The following PKIG variants were observed in gnomAD, a reference collection of about 807,000 sequenced individuals.
PKIG encodes the protein protein kinase (cAMP-dependent, catalytic) inhibitor gamma.
In PKIG, 1 loss-of-function variant was observed where a neutral mutation model predicts 6.8. The ratio of observed to expected loss-of-function variants is 0.15; its 90% CI spans 0.05 to 0.69. The LOEUF is 0.69. Among genes scored for constraint, PKIG ranks in the 30% least tolerant of loss-of-function variants. The pLI, the probability that PKIG is intolerant of heterozygous loss-of-function variation, is 0.82. For missense variants in PKIG, 77 were observed against 104.0 expected (o/e 0.74, Z 1.13); for synonymous variants, 39 against 43.0 (o/e 0.91, Z 0.36).
chr20:44,605,633 G>T (rs1262162801), intron 2 of PKIG, among the ~76,000 whole-genome samples: 1 of 151,862 alleles, frequency 6.6e-6, no homozygotes, highest in South Asian at 2.1e-4. Context: ...TACTAGAGAG[G>T]CCAGGCGTGG....
intron 1 of PKIG, among the ~76,000 whole-genome samples, chr20:44,558,428 GA>G (rs1364884796): frequency 7.9e-5 from 12 of 152,136 alleles, no homozygotes; most frequent in African/African-American, 2.7e-4. Flanking sequence ...TCCTGTGCTT[GA>G]CACTCTAAAA....
intron 2 of PKIG, among the ~76,000 whole-genome samples, chr20:44,594,733 C>T (rs2065061395): frequency 6.6e-6 from 1 of 152,094 alleles, no homozygotes; most frequent in Admixed American, 6.6e-5. Flanking sequence ...CTTTATTTCT[C>T]CAGGTCCTAG....
chr20:44,565,577 T>G (rs919370482), intron 1 of PKIG, among the ~76,000 whole-genome samples: 1 of 152,230 alleles, frequency 6.6e-6, no homozygotes, highest in Non-Finnish European at 1.5e-5. Context: ...CATCAGAAAC[T>G]GTCCCATAAC....
At chr20:44,570,459 A>T (rs1362524301) in intron 1 of PKIG, among the ~76,000 whole-genome samples, 3 of 152,218 alleles carry the variant, frequency 2.0e-5, no homozygotes, top group Non-Finnish European at 4.4e-5. Flanking sequence ...GAGGTAGTTT[A>T]GAGTGTGGAC....
At chr20:44,612,596 ACTT>A (rs2065229360) in intron 2 of PKIG, among the ~76,000 whole-genome samples, 1 of 152,234 alleles carries the variant, frequency 6.6e-6, no homozygotes, top group Admixed American at 6.5e-5. Flanking sequence ...TAGTAGCAGT[ACTT>A]CTTGTTGCCA....
chr20:44,571,675 A>C (rs1483321311), intron 1 of PKIG, among the ~76,000 whole-genome samples: 1 of 152,242 alleles, frequency 6.6e-6, no homozygotes, highest in Non-Finnish European at 1.5e-5. Flanking sequence ...CTTTTGCTAT[A>C]AAAACAAGGC....
At chr20:44,544,409 T>C (rs1022626432) in intron 1 of PKIG, among the ~76,000 whole-genome samples, 2 of 152,186 alleles carry the variant, frequency 1.3e-5, no homozygotes, top group African/African-American at 4.8e-5. Flanking sequence ...ACAGGTTATT[T>C]TTCTCTCAAA....
chr20:44,590,687 A>G (rs1160299282), intron 2 of PKIG, among the ~76,000 whole-genome samples: 2 of 152,164 alleles, frequency 1.3e-5, no homozygotes, highest in East Asian at 3.9e-4. Flanking sequence ...ATTGAAGGCT[A>G]TTCTAGATTG....
chr20:44,583,677 G>A (rs1312798324), intron 1 of PKIG, among the ~76,000 whole-genome samples: 1 of 152,256 alleles, frequency 6.6e-6, no homozygotes, highest in Admixed American at 6.5e-5. Context: ...CCTTGGGCAA[G>A]TGTTTCACAC....
rs1224044697 is a variant in PKIG, at chr20:44,607,940, G to A, written c.-23-6594G>A. Among the ~76,000 whole-genome samples the A allele has an allele frequency of 4.9e-5, 6 of 122,770 alleles. No homozygotes were observed. The South Asian group carries it at 1.5e-3, about 31-fold the overall frequency. The allele number at this position is 122,770 out of a possible 152,430, so 80.5% of individuals were successfully genotyped here. A position where few individuals can be genotyped will look rare whatever the true frequency, so the allele number is the denominator to read the frequency against. ...ACCTCGTGATCCACACCCACCCCCC[G>A]CCGCCTCGGCCTCCCAAAGTTCTGG... On this transcript the variant is annotated intron_variant, in intron 2 of 3. Coordinates refer to ENST00000372886, the MANE Select transcript of PKIG (RefSeq NM_001281445.2).
Position 44,614,390 on chromosome 20 carries a change from A to G in PKIG, c.-23-144A>G, listed in dbSNP as rs1478327023. 6 of 604,618 alleles carry G rather than the reference A, an allele frequency of 9.9e-6. No individual in the cohort carries two copies. The highest frequency in any genetic ancestry group is 1.8e-5 in the African/African-American group (1 of 54,166). 37.5% of individuals were successfully genotyped at this position (604,618 alleles called of 1,614,324 possible). A position where few individuals can be genotyped will look rare whatever the true frequency, so the allele number is the denominator to read the frequency against. On this transcript the variant is annotated intron_variant, in intron 2 of 3. Transcript: ENST00000372886. The surrounding 1 kb of genome is among the most constrained non-coding windows in gnomAD (Gnocchi z 4.6). ...ATGAGTGACTTGTTTTGTTCTTTGT[A>G]CTTTTCTGTGCTTTTTGCTTTGTTT... is the stretch of plus-strand genomic sequence containing the variant.
chr20:44,592,823 C>G (rs560261809), intron 2 of PKIG, among the ~76,000 whole-genome samples: 1 of 152,178 alleles, frequency 6.6e-6, no homozygotes, highest in Non-Finnish European at 1.5e-5. Flanking sequence ...CCATACCAAG[C>G]CATTTAAAGA....
In PKIG at chr20:44,617,200, T is replaced by C. The variant is rs143682933; in HGVS notation, c.152-1085T>C. The stretch of plus-strand genomic sequence containing the variant: ...TATAGGGTGGTGATTCTCCTGGTTC[T>C]GTGAAGGGCTTAGCCTGAAGGATAA... On this transcript the variant is annotated intron_variant, in intron 3 of 3. Coordinates refer to ENST00000372886, the MANE Select transcript of PKIG (RefSeq NM_001281445.2). Among the ~76,000 whole-genome samples, 150 of 152,290 alleles carry C rather than the reference T, an allele frequency of 9.8e-4. 1 individual carries two copies. The highest frequency in any genetic ancestry group is 3.5e-3 in the African/African-American group (144 of 41,576).
At chr20:44,606,133 A>G (rs758684325) in intron 2 of PKIG, among the ~76,000 whole-genome samples, 10 of 152,222 alleles carry the variant, frequency 6.6e-5, no homozygotes, top group Non-Finnish European at 1.3e-4. Flanking sequence ...ACAAAAGACT[A>G]ATTGCCTTAA....
At chr20:44,569,491 G>A (rs2064836799) in intron 1 of PKIG, among the ~76,000 whole-genome samples, 1 of 152,160 alleles carries the variant, frequency 6.6e-6, no homozygotes, top group African/African-American at 2.4e-5. Flanking sequence ...CCTTCTGAAA[G>A]CGGTTTGTTT....
At chr20:44,550,407 A>G (rs2064657335) in intron 1 of PKIG, among the ~76,000 whole-genome samples, 1 of 145,514 alleles carries the variant, frequency 6.9e-6, no homozygotes, top group South Asian at 2.2e-4. Flanking sequence ...TTATTAACTG[A>G]AAAAAAAAAT....
At chr20:44,546,078 T>G (rs1361529369) in intron 1 of PKIG, among the ~76,000 whole-genome samples, 2 of 152,104 alleles carry the variant, frequency 1.3e-5, no homozygotes, top group East Asian at 1.9e-4. Flanking sequence ...AGCAAAACCC[T>G]GTCTCTACAA....
chr20:44,569,720 C>T (rs1217158855), intron 1 of PKIG, among the ~76,000 whole-genome samples: 1 of 152,210 alleles, frequency 6.6e-6, no homozygotes, highest in Non-Finnish European at 1.5e-5. Context: ...GATTCTCCTG[C>T]TTCAGCCTCC....
chr20:44,535,729 G>A (rs886379672), intron 1 of PKIG, among the ~76,000 whole-genome samples: 4 of 152,194 alleles, frequency 2.6e-5, no homozygotes, highest in Non-Finnish European at 5.9e-5. Context: ...TTACGGTACA[G>A]TATGTTACTG....
Sources: gnomAD v4.1 joint callset for allele counts (sites outside exome capture counted in the v4.1 genomes callset) on GRCh38, gnomAD v4.1.1 for gene constraint, Gnocchi (gnomAD v3.1) non-coding constraint, MANE v1.5 for transcripts, NCBI Gene and HGNC (gene_info 2026-07-23, HGNC 2026-07-21) for gene names.